Variants in ACVR2B observed in about 807,000 individuals in gnomAD.
ACVR2B encodes activin receptor type-2B.
ACVR2B carries 18 observed loss-of-function variants against 65.1 expected under a neutral mutation model. That is an observed-to-expected ratio of 0.28 (90% CI 0.19 to 0.41). The LOEUF (loss-of-function observed/expected upper bound fraction) is 0.41, where lower values mean the gene tolerates loss of function less well. Among genes scored for constraint, ACVR2B ranks in the 10% least tolerant of loss-of-function variants. The pLI is 1.00. For missense variants in ACVR2B, 482 were observed against 682.7 expected (o/e 0.71, Z 3.28); for synonymous variants, 298 against 277.7 (o/e 1.07, Z -0.73).
At chr3:38,479,609 G>T (rs1709980772) in intron 6 of ACVR2B, 69 bp from the exon 7 acceptor site, 3 of 1,580,938 alleles carry the variant, frequency 1.9e-6, no homozygotes, top group Admixed American at 1.7e-5. Context: ...AGACTTCTCT[G>T]CCAGGGCTGG....
rs1183580783 is a variant in ACVR2B at position 38,453,983 on chromosome 3, C to G, written c.-340C>G. 2 of 144,822 alleles carry G rather than the reference C, an allele frequency of 1.4e-5. No homozygotes were observed. Among genetic ancestry groups the G allele is most frequent in the Non-Finnish European group, 3.1e-5 (2 of 64,680 alleles). 9.0% of individuals were successfully genotyped at this position (144,822 alleles called of 1,614,324 possible). A position where few individuals can be genotyped will look rare whatever the true frequency, so the allele number is the denominator to read the frequency against. ...TCCCCCCGTTCATGGCCCCTCCGGA[C>G]TCGGCCCCTGCGCCCGGGGCCCGGG... On this transcript the variant is annotated 5_prime_UTR_variant, in exon 1 of 11. Coordinates refer to ENST00000352511, the MANE Select transcript of ACVR2B (RefSeq NM_001106.4).
intron 1 of ACVR2B, chr3:38,474,404 G>A (rs763871267): frequency 1.3e-5 from 2 of 152,456 alleles, no homozygotes; most frequent in Non-Finnish European, 2.9e-5. Flanking sequence ...CTAGGGCTTG[G>A]GCTGCAGGCT....
rs903623740 is a variant in ACVR2B, at chr3:38,477,709, G to T, written c.261-152G>T. 2 of 1,048,790 alleles carry T rather than the reference G, an allele frequency of 1.9e-6. No individual in the cohort carries two copies. Among genetic ancestry groups the T allele is most frequent in the African/African-American group, 3.1e-5 (2 of 64,148 alleles). 65.0% of individuals were successfully genotyped at this position (1,048,790 alleles called of 1,614,324 possible). A position where few individuals can be genotyped will look rare whatever the true frequency, so the allele number is the denominator to read the frequency against. On this transcript the variant is annotated intron_variant, in intron 2 of 10. Coordinates refer to ENST00000352511, the MANE Select transcript of ACVR2B (RefSeq NM_001106.4). This position sits in a 1 kb window ranked among gnomAD's most constrained non-coding sequence, Gnocchi z 6.7. ...GTCAACCCCTGGCTGTTCTTCCTTG[G>T]CTTTGGGTCTCCTGTAGGGGAGGTG... is the stretch of plus-strand genomic sequence containing the variant.
intron 1 of ACVR2B, among the ~76,000 whole-genome samples, chr3:38,472,940 G>C (rs886978333): frequency 6.6e-6 from 1 of 152,184 alleles, no homozygotes; most frequent in Non-Finnish European, 1.5e-5. Flanking sequence ...CTCCCAGTGC[G>C]TGTCTTCGAG....
chr3:38,467,166 G>A (rs1396006282), intron 1 of ACVR2B, among the ~76,000 whole-genome samples: 1 of 152,208 alleles, frequency 6.6e-6, no homozygotes, highest in African/African-American at 2.4e-5. Context: ...GAGACAAATG[G>A]GCTGGGTGCG....
At chr3:38,480,072 G>A (rs1029021329) in intron 7 of ACVR2B, among the ~76,000 whole-genome samples, 2 of 152,196 alleles carry the variant, frequency 1.3e-5, no homozygotes, top group South Asian at 2.1e-4. Flanking sequence ...ACTTTGGTTG[G>A]AGAGTTGGCT....
At chr3:38,461,131 C>T (rs1003772610) in intron 1 of ACVR2B, among the ~76,000 whole-genome samples, 4 of 152,140 alleles carry the variant, frequency 2.6e-5, no homozygotes, top group African/African-American at 4.8e-5. Context: ...TGTGCAGTGG[C>T]GCACAGTGTT....
chr3:38,479,950 C>T, intron 7 of ACVR2B, 124 bp downstream of exon 7: 8 of 1,312,136 alleles, frequency 6.1e-6, no homozygotes, highest in Non-Finnish European at 8.4e-6. Flanking sequence ...TGCTGTGTGT[C>T]CGAGGCAGCT....
chr3:38,465,301 AG>A (rs1283143581), intron 1 of ACVR2B, among the ~76,000 whole-genome samples: 1 of 150,142 alleles, frequency 6.7e-6, no homozygotes, highest in East Asian at 2.0e-4. Flanking sequence ...TGGGGGGCTG[AG>A]GCAGGGAATT....
At chr3:38,456,645 A>G (rs1709555393) in intron 1 of ACVR2B, among the ~76,000 whole-genome samples, 1 of 152,110 alleles carries the variant, frequency 6.6e-6, no homozygotes. Flanking sequence ...GGTTCTGGTG[A>G]GGACCCTCTT....
rs187413296 is a variant in ACVR2B at position 38,472,041 on chromosome 3, T to C, written c.53-5246T>C. Among the ~76,000 whole-genome samples the C allele has an allele frequency of 2.6e-4, 40 of 152,290 alleles. No individual in the cohort carries two copies. In the East Asian group the frequency reaches 7.3e-3, roughly 28 times the overall value. ...CAATGTTGGAATATTTTGGGTTTTT[T>C]TCTCCCCTATTGTACATGCCGCTCC... On this transcript the variant is annotated intron_variant, in intron 1 of 10. Coordinates refer to ENST00000352511, the MANE Select transcript of ACVR2B (RefSeq NM_001106.4).
At position 38,492,901 on chromosome 3, in the gene ACVR2B, A is replaced by G. The variant is rs1428728773; in HGVS notation, c.*9569A>G. 6.6e-6 allele frequency: 1 copy of G among 152,498 alleles called. No individual in the cohort carries two copies. Among genetic ancestry groups the G allele is most frequent in the Non-Finnish European group, 1.5e-5 (1 of 68,030 alleles). The allele number at this position is 152,498 out of a possible 1,614,324, so 9.4% of individuals were successfully genotyped here. A position where few individuals can be genotyped will look rare whatever the true frequency, so the allele number is the denominator to read the frequency against. ...ATTGTATCATAGTTCATTCATTTGC[A>G]GTGGATCTTTGTTCCTTTTTACTGT... is the stretch of plus-strand genomic sequence containing the variant. On this transcript the variant is annotated 3_prime_UTR_variant, in exon 11 of 11. Coordinates refer to ENST00000352511, the MANE Select transcript of ACVR2B (RefSeq NM_001106.4).
Position 38,485,966 on chromosome 3 carries a change from C to G in ACVR2B, c.*2634C>G, listed in dbSNP as rs138539572. 6.6e-6 allele frequency: 1 copy of G among 152,588 alleles called. No homozygotes were observed. Among genetic ancestry groups the G allele is most frequent in the Non-Finnish European group, 1.5e-5 (1 of 68,002 alleles). 9.5% of individuals were successfully genotyped at this position (152,588 alleles called of 1,614,324 possible). A position where few individuals can be genotyped will look rare whatever the true frequency, so the allele number is the denominator to read the frequency against. The stretch of plus-strand genomic sequence containing the variant: ...CATGATACTACCTGAACACTAAACC[C>G]CAGCCTCTTTGTTTGGTTTTAGTTC... On this transcript the variant is annotated 3_prime_UTR_variant, in exon 11 of 11. Transcript: ENST00000352511.
rs1169163767 is a variant in ACVR2B at position 38,485,828 on chromosome 3, A to T, written c.*2496A>T. On this transcript the variant is annotated 3_prime_UTR_variant, in exon 11 of 11. Coordinates refer to ENST00000352511, the MANE Select transcript of ACVR2B (RefSeq NM_001106.4). ...TTTAAAATATTTATTGAAAAGTGCC[A>T]TATCTAATTTCTTTAGCTTTCGCCT... 2 of 152,284 alleles carry T rather than the reference A, an allele frequency of 1.3e-5. 1 individual carries two copies. The highest frequency in any genetic ancestry group is 2.9e-5 in the Non-Finnish European group (2 of 67,956). 9.4% of individuals were successfully genotyped at this position (152,284 alleles called of 1,614,324 possible).
At chr3:38,460,394 A>G (rs1238208956) in intron 1 of ACVR2B, among the ~76,000 whole-genome samples, 7 of 152,126 alleles carry the variant, frequency 4.6e-5, no homozygotes, top group Admixed American at 6.5e-5. Flanking sequence ...TTCTGACTCT[A>G]TTACATTGCT....
intron 7 of ACVR2B, among the ~76,000 whole-genome samples, chr3:38,480,821 G>A (rs1710005180): frequency 6.6e-6 from 1 of 152,208 alleles, no homozygotes; most frequent in Non-Finnish European, 1.5e-5. Flanking sequence ...AGGCACTGGG[G>A]AAACTGAGTA....
chr3:38,454,214 G>A lies in ACVR2B; in HGVS notation c.-109G>A. The A allele has an allele frequency of 1.3e-6, 1 of 799,694 alleles. No individual in the cohort carries two copies. The highest frequency in any genetic ancestry group is 4.8e-4 in the Middle Eastern group (1 of 2,074). The allele number at this position is 799,694 out of a possible 1,614,324, so 49.5% of individuals were successfully genotyped here. A position where few individuals can be genotyped will look rare whatever the true frequency, so the allele number is the denominator to read the frequency against. On this transcript the variant is annotated 5_prime_UTR_variant, in exon 1 of 11. Coordinates refer to ENST00000352511, the MANE Select transcript of ACVR2B (RefSeq NM_001106.4). ...GAAGCGCGCAGGGAACGAGACCGAA[G>A]GAAGGAGCGGGAAGGAGAGCGCAGC...
At position 38,482,567 on chromosome 3, in the gene ACVR2B, G is replaced by T. The variant is rs9876823; in HGVS notation, c.1344+7G>T. The T allele has an allele frequency of 2.5e-3, 3,966 of 1,609,006 alleles. 84 individuals carry two copies. In the African/African-American group the frequency reaches 0.045, roughly 18 times the overall value. On this transcript the variant is annotated splice_region_variant and intron_variant, in intron 10 of 10. Coordinates refer to ENST00000352511, the MANE Select transcript of ACVR2B (RefSeq NM_001106.4). ...TCACTGGTTGAAACACCCGGTAAGGGGCCTGGTTCAGGCAACTTTGCAGGG... is the reference window on the plus strand; with the variant it reads ...TCACTGGTTGAAACACCCGGTAAGGTGCCTGGTTCAGGCAACTTTGCAGGG...
rs567353590 is a variant in ACVR2B, at chr3:38,491,291, G to T, written c.*7959G>T. ...AGATGGCAGACCAAGATTAAAAGTGGTAACTCAGCTATACGAGCATGGGCT... is the reference window on the plus strand; with the variant it reads ...AGATGGCAGACCAAGATTAAAAGTGTTAACTCAGCTATACGAGCATGGGCT... On this transcript the variant is annotated 3_prime_UTR_variant, in exon 11 of 11. Coordinates refer to ENST00000352511, the MANE Select transcript of ACVR2B (RefSeq NM_001106.4). The T allele has an allele frequency of 1.0e-3, 156 of 152,730 alleles. No homozygotes were observed. The highest frequency in any genetic ancestry group is 2.0e-3 in the Non-Finnish European group (136 of 68,030). The allele number at this position is 152,730 out of a possible 1,614,324, so 9.5% of individuals were successfully genotyped here.
Sources: allele counts gnomAD v4.1 joint callset (sites outside exome capture counted in the v4.1 genomes callset), GRCh38; gene constraint gnomAD v4.1.1; non-coding constraint Gnocchi (gnomAD v3.1); transcripts MANE v1.5; gene names NCBI Gene and HGNC (gene_info 2026-07-23, HGNC 2026-07-21).